The following TMPRSS11E variants were observed in gnomAD, a reference collection of about 807,000 sequenced individuals.
TMPRSS11E encodes the protein transmembrane protease serine 11E.
Under a neutral mutation model 48.1 loss-of-function variants are expected in TMPRSS11E, and 38 were observed. The ratio of observed to expected loss-of-function variants is 0.79; its 90% CI spans 0.61 to 1.04. The LOEUF (loss-of-function observed/expected upper bound fraction) is 1.04. TMPRSS11E is among the 50% of genes least tolerant of loss of function. TMPRSS11E has a pLI of 0.00. For missense variants in TMPRSS11E, 530 were observed against 510.8 expected, an observed-to-expected ratio of 1.04 and a Z score of -0.36; for synonymous variants, 158 against 171.9, an observed-to-expected ratio of 0.92 and a Z score of 0.63.
intron 5 of TMPRSS11E, among the ~76,000 whole-genome samples, chr4:68,472,989 A>G (rs1729116013): frequency 6.6e-6 from 1 of 152,084 alleles, no homozygotes; most frequent in Non-Finnish European, 1.5e-5. Flanking sequence ...TGTATTTCAA[A>G]TCATGGAAAT....
intron 1 of TMPRSS11E, among the ~76,000 whole-genome samples, chr4:68,450,738 C>A (rs568218042): frequency 6.6e-6 from 1 of 151,964 alleles, no homozygotes; most frequent in Admixed American, 6.6e-5. Flanking sequence ...CTTATACAAC[C>A]GACTTTGTAT....
At chr4:68,482,142 A>G (rs1258189004) in intron 9 of TMPRSS11E, among the ~76,000 whole-genome samples, 2 of 152,102 alleles carry the variant, frequency 1.3e-5, no homozygotes. Flanking sequence ...GGTACATCAC[A>G]TGGTGAAAGC....
intron 9 of TMPRSS11E, among the ~76,000 whole-genome samples, chr4:68,481,321 G>T (rs976148255): frequency 1.3e-5 from 2 of 152,160 alleles, no homozygotes; most frequent in African/African-American, 2.4e-5. Flanking sequence ...AATATACCCA[G>T]TAATGGGATT....
intron 1 of TMPRSS11E, among the ~76,000 whole-genome samples, chr4:68,454,605 C>T (rs1049862887): frequency 7.9e-5 from 12 of 151,826 alleles, no homozygotes; most frequent in South Asian, 2.1e-4. Flanking sequence ...ATTTAAACAT[C>T]GAGAGGGTCT....
intron 9 of TMPRSS11E, among the ~76,000 whole-genome samples, chr4:68,494,745 T>G (rs764064608): frequency 6.6e-6 from 1 of 152,186 alleles, no homozygotes; most frequent in Non-Finnish European, 1.5e-5. Flanking sequence ...TTGCACAGTG[T>G]AGGCAGGCAA....
intron 1 of TMPRSS11E, among the ~76,000 whole-genome samples, chr4:68,451,723 T>A (rs1168424781): frequency 6.6e-6 from 1 of 151,942 alleles, no homozygotes; most frequent in Non-Finnish European, 1.5e-5. Context: ...AAACATCATA[T>A]GCATTTAAAC....
At chr4:68,483,865 A>C (rs2708689) in intron 9 of TMPRSS11E, among the ~76,000 whole-genome samples, 142,620 of 152,242 alleles carry the variant, frequency 0.94, 67,441 homozygotes, top group Non-Finnish European at 1. Flanking sequence ...AGCCAGTTAT[A>C]CCCAGCACCA....
At chr4:68,460,137 C>T (rs1172856092) in intron 1 of TMPRSS11E, among the ~76,000 whole-genome samples, 1 of 152,112 alleles carries the variant, frequency 6.6e-6, no homozygotes, top group East Asian at 1.9e-4. Flanking sequence ...AAGCAGAGCC[C>T]CTGGAGCCTT....
chr4:68,488,244 A>G (rs1729617904), intron 9 of TMPRSS11E, among the ~76,000 whole-genome samples: 1 of 152,220 alleles, frequency 6.6e-6, no homozygotes, highest in African/African-American at 2.4e-5. Context: ...AACGATATTC[A>G]TAAATGAGTT....
At chr4:68,478,248 C>A (rs1353189018) in intron 8 of TMPRSS11E, among the ~76,000 whole-genome samples, 1 of 149,712 alleles carries the variant, frequency 6.7e-6, no homozygotes, top group Admixed American at 6.7e-5. Context: ...CTCTGCCTCA[C>A]AGGTTCAAGC....
chr4:68,479,324 T>C (rs184691763), intron 9 of TMPRSS11E, among the ~76,000 whole-genome samples: 240 of 152,188 alleles, frequency 1.6e-3, no homozygotes, highest in Non-Finnish European at 2.4e-3. Context: ...CAATCACTAA[T>C]TTATTCTCCA....
chr4:68,466,347 T>C (rs1728925636), intron 2 of TMPRSS11E, among the ~76,000 whole-genome samples: 1 of 152,194 alleles, frequency 6.6e-6, no homozygotes, highest in Admixed American at 6.5e-5. Flanking sequence ...TAGGAATGAG[T>C]AACACATGAA....
At chr4:68,454,637 C>T (rs1374563244) in intron 1 of TMPRSS11E, among the ~76,000 whole-genome samples, 3 of 151,846 alleles carry the variant, frequency 2.0e-5, no homozygotes, top group African/African-American at 7.2e-5. Flanking sequence ...AATTTCTCCT[C>T]ATTGCTGAAT....
intron 9 of TMPRSS11E, among the ~76,000 whole-genome samples, chr4:68,488,416 AT>A (rs1336311305): frequency 8.5e-5 from 13 of 152,264 alleles, no homozygotes; most frequent in Admixed American, 2.0e-4. Flanking sequence ...AAGTTCTAAA[AT>A]TGTTTTCAGT....
chr4:68,478,451 C>CTT (rs377068765), intron 8 of TMPRSS11E, among the ~76,000 whole-genome samples: 25,324 of 73,416 alleles, frequency 0.34, 5,252 homozygotes, highest in Middle Eastern at 0.54. Context: ...GTATCCCCCG[C>CTT]TTTTTTTTTT....
At chr4:68,471,855 T>A (rs1729080417) in intron 5 of TMPRSS11E, among the ~76,000 whole-genome samples, 1 of 151,948 alleles carries the variant, frequency 6.6e-6, no homozygotes, top group South Asian at 2.1e-4. Context: ...TTTCTTTATA[T>A]TACACTTTAT....
chr4:68,493,462 G>T (rs1729784315), intron 9 of TMPRSS11E, among the ~76,000 whole-genome samples: 1 of 152,058 alleles, frequency 6.6e-6, no homozygotes, highest in Non-Finnish European at 1.5e-5. Context: ...GGAAGACATG[G>T]CACCCATTTT....
intron 9 of TMPRSS11E, among the ~76,000 whole-genome samples, chr4:68,488,368 T>C (rs545206934): frequency 6.6e-6 from 1 of 152,330 alleles, no homozygotes; most frequent in African/African-American, 2.4e-5. Context: ...AATATCTTTT[T>C]CTTTATCTAA....
intron 9 of TMPRSS11E, among the ~76,000 whole-genome samples, chr4:68,483,349 A>T (rs1379526478): frequency 1.3e-5 from 2 of 152,180 alleles, no homozygotes; most frequent in Admixed American, 6.5e-5. Context: ...GCTGTCAGGG[A>T]TCCGTTACCC....
Sources: gnomAD v4.1 joint callset for allele counts (sites outside exome capture counted in the v4.1 genomes callset) on GRCh38, gnomAD v4.1.1 for gene constraint, MANE v1.5 for transcripts, NCBI Gene and HGNC (gene_info 2026-07-23, HGNC 2026-07-21) for gene names.